Variants in PALLD observed in about 807,000 individuals in gnomAD.
PALLD encodes the protein palladin, cytoskeletal associated protein.
In PALLD, 61 loss-of-function variants were observed where a neutral mutation model predicts 123.5. The observed-to-expected ratio is 0.49, with a 90% CI of 0.40 to 0.61. The LOEUF is 0.61. PALLD is among the 20% of genes least tolerant of loss of function. The probability of loss-of-function intolerance (pLI) is 0.00; values close to 1 mark genes in which losing one functional copy is unlikely to be tolerated. For synonymous variants in PALLD, 465 were observed against 496.4 expected (o/e 0.94, Z 0.84); for missense variants, 1,273 against 1,377.0 (o/e 0.92, Z 1.20).
intron 8 of PALLD, among the ~76,000 whole-genome samples, chr4:168,705,809 T>TTG (rs943377732): frequency 2.6e-5 from 4 of 151,916 alleles, no homozygotes; most frequent in Admixed American, 2.6e-4. Flanking sequence ...GCTAATTTTT[T>TTG]TGTGTGTGTT....
Position 168,743,727 on chromosome 4 carries a change from C to T in PALLD, c.1964+31804C>T, listed in dbSNP as rs191195009. Among the ~76,000 whole-genome samples the T allele has an allele frequency of 2.9e-4, 44 of 152,128 alleles. No homozygotes were observed. The East Asian group carries it at 3.3e-3, about 11-fold the overall frequency. On this transcript the variant is annotated intron_variant, in intron 10 of 21. Transcript: ENST00000505667. ...GATGTCCTTGTTTATTTTCTGCTTG[C>T]TTTGTTTGGTCAGGTCTGGCATGGA...
At chr4:168,602,492 A>G (rs1772766576) in intron 2 of PALLD, among the ~76,000 whole-genome samples, 1 of 152,212 alleles carries the variant, frequency 6.6e-6, no homozygotes, top group African/African-American at 2.4e-5. Context: ...GCAAAGTTCC[A>G]TTAATTAGAT....
intron 2 of PALLD, among the ~76,000 whole-genome samples, chr4:168,564,225 A>G (rs980615067): frequency 2.0e-5 from 3 of 152,168 alleles, no homozygotes; most frequent in African/African-American, 7.2e-5. Flanking sequence ...CTTTTGTTCA[A>G]ATGTTAATAA....
chr4:168,653,914 A>G (rs1028916393), intron 2 of PALLD, among the ~76,000 whole-genome samples: 3 of 151,826 alleles, frequency 2.0e-5, no homozygotes, highest in African/African-American at 4.8e-5. Flanking sequence ...GTTAGCCAGG[A>G]TGGTCTCGAT....
In PALLD at chr4:168,741,268, A is replaced by G. The variant is rs148041139; in HGVS notation, c.1964+29345A>G. 5.3e-3 allele frequency among the ~76,000 whole-genome samples: 807 copies of G among 152,318 alleles called. 5 individuals are homozygous for G. The highest frequency in any genetic ancestry group is 6.2e-3 in the Non-Finnish European group (419 of 68,026). ...ACTATTCTTATTTGTCTTCATCGCT[A>G]TAATATGAGGTCACTGGCTCCTGAG... On this transcript the variant is annotated intron_variant, in intron 10 of 21. Coordinates refer to ENST00000505667, the MANE Select transcript of PALLD (RefSeq NM_001166108.2).
intron 2 of PALLD, among the ~76,000 whole-genome samples, chr4:168,651,287 A>G (rs1342914925): frequency 2.0e-5 from 3 of 152,208 alleles, no homozygotes; most frequent in Non-Finnish European, 4.4e-5. Flanking sequence ...TTTAGCTTTT[A>G]ACATTGCAGT....
chr4:168,778,152 T>C (rs932207829), intron 10 of PALLD, among the ~76,000 whole-genome samples: 23 of 152,334 alleles, frequency 1.5e-4, no homozygotes, highest in African/African-American at 5.5e-4. Context: ...TTCCTGAATT[T>C]TTTTTTCTAG....
intron 8 of PALLD, among the ~76,000 whole-genome samples, chr4:168,708,709 C>T (rs10021907): frequency 0.056 from 8,524 of 152,160 alleles, 520 homozygotes; most frequent in East Asian, 0.3. Flanking sequence ...ATGCAAAATA[C>T]AGAGCTGCAC....
intron 10 of PALLD, among the ~76,000 whole-genome samples, chr4:168,780,216 T>C (rs540700488): frequency 1.3e-5 from 2 of 152,322 alleles, no homozygotes; most frequent in African/African-American, 4.8e-5. Flanking sequence ...GTTACATTCT[T>C]AATATGGTTT....
chr4:168,542,717 CATATATATAT>C (rs70961531), intron 2 of PALLD, among the ~76,000 whole-genome samples: 142 of 88,922 alleles, frequency 1.6e-3, no homozygotes, highest in Middle Eastern at 0.01. Flanking sequence ...CTAACCTTTC[CATATATATAT>C]ATATATATAT....
Position 168,799,861 on chromosome 4 carries a change from T to C in PALLD, c.1964+87938T>C, listed in dbSNP as rs556103497. 4.6e-3 allele frequency among the ~76,000 whole-genome samples: 697 copies of C among 152,350 alleles called. 3 individuals are homozygous for C. Among genetic ancestry groups the C allele is most frequent in the Non-Finnish European group, 8.4e-3 (573 of 68,022 alleles). ...GTAACAACTATAACTATTTCCTATG[T>C]ATGTTTTCAAAAATGGTTCATGCAC... On this transcript the variant is annotated intron_variant, in intron 10 of 21. Transcript: ENST00000505667.
chr4:168,547,587 A>G (rs1766271787), intron 2 of PALLD, among the ~76,000 whole-genome samples: 1 of 134,028 alleles, frequency 7.5e-6, no homozygotes, highest in Non-Finnish European at 1.6e-5. Flanking sequence ...AAAAAAAAAA[A>G]GCCAGGTGTG....
intron 17 of PALLD, among the ~76,000 whole-genome samples, chr4:168,918,808 TA>T (rs1189247180): frequency 1.9e-4 from 29 of 152,144 alleles, no homozygotes; most frequent in African/African-American, 5.8e-4. Context: ...AAAAAACACT[TA>T]AAAAAATTCA....
intron 10 of PALLD, among the ~76,000 whole-genome samples, chr4:168,763,549 G>GT (rs1733245002): frequency 6.6e-6 from 1 of 152,162 alleles, no homozygotes. Flanking sequence ...ATGACTGAGT[G>GT]TTTTTTAAGC....
At chr4:168,556,528 G>A (rs1309090276) in intron 2 of PALLD, among the ~76,000 whole-genome samples, 1 of 152,178 alleles carries the variant, frequency 6.6e-6, no homozygotes, top group Non-Finnish European at 1.5e-5. Flanking sequence ...TGAAACTCCT[G>A]TACCAGCGAA....
At chr4:168,854,525 G>A (rs111801563) in intron 10 of PALLD, among the ~76,000 whole-genome samples, 1,778 of 152,304 alleles carry the variant, frequency 0.012, 47 homozygotes, top group African/African-American at 0.041. Context: ...GTGGGAAGCT[G>A]AAGATGCAAG....
At chr4:168,512,648 G>C (rs1473070919) in intron 2 of PALLD, among the ~76,000 whole-genome samples, 1 of 152,158 alleles carries the variant, frequency 6.6e-6, no homozygotes, top group Non-Finnish European at 1.5e-5. Flanking sequence ...ACTTGAGAAG[G>C]CAAAGAGCAG....
chr4:168,791,834 AT>A (rs774694939), intron 10 of PALLD, among the ~76,000 whole-genome samples: 1 of 152,084 alleles, frequency 6.6e-6, no homozygotes, highest in Non-Finnish European at 1.5e-5. Context: ...TACTTTAGAT[AT>A]TTCCTTACTG....
intron 2 of PALLD, among the ~76,000 whole-genome samples, chr4:168,627,024 AC>A (rs1775365741): frequency 6.6e-6 from 1 of 152,242 alleles, no homozygotes; most frequent in Non-Finnish European, 1.5e-5. Flanking sequence ...CTTTTGTACA[AC>A]AGCATGAACA....
Sources: allele counts gnomAD v4.1 joint callset (sites outside exome capture counted in the v4.1 genomes callset), GRCh38; gene constraint gnomAD v4.1.1; transcripts MANE v1.5; gene names NCBI Gene and HGNC (gene_info 2026-07-23, HGNC 2026-07-21).